MCTP2: variants seen among roughly 807,000 people sequenced by gnomAD.
MCTP2 encodes the protein multiple C2 and transmembrane domain containing 2, also known as multiple C2 and transmembrane domain-containing protein 2.
MCTP2 carries 132 observed loss-of-function variants against 111.6 expected under a neutral mutation model. The observed-to-expected ratio is 1.18, with a 90% CI of 1.03 to 1.37. The LOEUF is 1.37. MCTP2 is among the 40% of genes most tolerant of loss of function. The probability of loss-of-function intolerance (pLI) is 0.00; values close to 1 mark genes in which losing one functional copy is unlikely to be tolerated. For missense variants in MCTP2, 1,183 were observed against 1,067.9 expected, an observed-to-expected ratio of 1.11 and a Z score of -1.50; for synonymous variants, 395 against 387.7, an observed-to-expected ratio of 1.02 and a Z score of -0.22.
intron 8 of MCTP2, among the ~76,000 whole-genome samples, chr15:94,349,690 T>G (rs539803230): frequency 9.2e-5 from 14 of 151,746 alleles, no homozygotes; most frequent in South Asian, 4.2e-4. Flanking sequence ...CGTGGTGGCA[T>G]GCGCCTGTAG....
rs1180966060 is a variant in MCTP2, at chr15:94,358,584, A to T, written c.1273A>T (p.Asn425Tyr). 1 of 1,613,790 alleles carries T rather than the reference A, an allele frequency of 6.2e-7. No homozygotes were observed. Among genetic ancestry groups the T allele is most frequent in the Non-Finnish European group, 8.5e-7 (1 of 1,179,766 alleles). ...ILDIEVWGKD[N>Y]KKHEERLGTC... The stretch of plus-strand genomic sequence containing the variant: ...GGACATTGAAGTGTGGGGAAAGGAC[A>T]ACAAAAAGCATGAGGAACGTCTGGG... The change falls in exon 10 of 23, where the codon AAC becomes TAC. Residue 425 changes from asparagine (N) to tyrosine (Y), a missense_variant. By Grantham distance (143) the Asn-to-Tyr change is moderately radical (BLOSUM62 -2). Coordinates refer to ENST00000357742, the MANE Select transcript of MCTP2 (RefSeq NM_001385001.1).
chr15:94,308,920 A>G (rs1477097180), intron 2 of MCTP2, among the ~76,000 whole-genome samples: 2 of 152,240 alleles, frequency 1.3e-5, no homozygotes, highest in African/African-American at 4.8e-5. Context: ...CATATGCTTG[A>G]GCAAGGTATA....
chr15:94,254,932 A>C (rs1455763), intron 1 of MCTP2, among the ~76,000 whole-genome samples: 64,979 of 151,964 alleles, frequency 0.43, 14,261 homozygotes, highest in Middle Eastern at 0.57. Flanking sequence ...TGAAGTTTTC[A>C]GATGTGTTTC....
chr15:94,314,157 G>T, intron 2 of MCTP2, 125 bp from the exon 3 acceptor site: 1 of 631,406 alleles, frequency 1.6e-6, no homozygotes. Flanking sequence ...CAGGAAGGCG[G>T]CCCTCACTGA....
At chr15:94,339,015 C>A (rs1286787223) in intron 4 of MCTP2, among the ~76,000 whole-genome samples, 1 of 152,078 alleles carries the variant, frequency 6.6e-6, no homozygotes, top group Non-Finnish European at 1.5e-5. Flanking sequence ...GATTTTACTT[C>A]TTGAATTTTT....
chr15:94,298,167 TGTTTG>T, intron 1 of MCTP2, 29 bp from the exon 2 acceptor site: 1 of 901,630 alleles, frequency 1.1e-6, no homozygotes, highest in South Asian at 2.2e-5. Flanking sequence ...TTTTTTTGTT[TGTTTG>T]TTTTTTGTTG....
chr15:94,382,614 G>A (rs1418112005), intron 12 of MCTP2, among the ~76,000 whole-genome samples: 1 of 152,208 alleles, frequency 6.6e-6, no homozygotes, highest in African/African-American at 2.4e-5. Flanking sequence ...TATCTCTATT[G>A]ATGTGCTGTA....
At chr15:94,385,596 G>A in intron 14 of MCTP2, 71 bp downstream of exon 14, 3 of 1,083,776 alleles carry the variant, frequency 2.8e-6, no homozygotes, top group Non-Finnish European at 4.2e-6. Context: ...GTCTAGAGTT[G>A]CTTTATCTTT....
Position 94,231,582 on chromosome 15 carries a change from G to T in MCTP2, c.-148G>T, listed in dbSNP as rs568641706. On this transcript the variant is annotated 5_prime_UTR_variant, in exon 1 of 23. Transcript: ENST00000357742. The stretch of plus-strand genomic sequence containing the variant: ...CGTCAGGGTTGCTCCCTGCGCTTCC[G>T]AGTGGCGACTGCAGCGGGTCCGGTG... 9.8e-5 allele frequency: 15 copies of T among 152,484 alleles called. No individual in the cohort carries two copies. Among genetic ancestry groups the T allele is most frequent in the African/African-American group, 3.4e-4 (14 of 41,586 alleles). 9.4% of individuals were successfully genotyped at this position (152,484 alleles called of 1,614,324 possible).
chr15:94,259,010 A>G (rs986483134), intron 1 of MCTP2, among the ~76,000 whole-genome samples: 2 of 152,200 alleles, frequency 1.3e-5, no homozygotes, highest in African/African-American at 4.8e-5. Flanking sequence ...ATACACTAAA[A>G]TAGAGATTAA....
intron 1 of MCTP2, among the ~76,000 whole-genome samples, chr15:94,245,422 G>A (rs1264604886): frequency 1.0e-4 from 8 of 79,480 alleles, no homozygotes; most frequent in African/African-American, 1.8e-4. Flanking sequence ...ATATACATGT[G>A]TGTATATATT....
At chr15:94,396,565 A>G (rs1015836357) in intron 14 of MCTP2, among the ~76,000 whole-genome samples, 1 of 152,114 alleles carries the variant, frequency 6.6e-6, no homozygotes, top group African/African-American at 2.4e-5. Context: ...AAGTTCAATT[A>G]TATAATCAGG....
At chr15:94,414,150 G>A (rs931524551) in intron 17 of MCTP2, among the ~76,000 whole-genome samples, 3 of 152,180 alleles carry the variant, frequency 2.0e-5, no homozygotes, top group African/African-American at 7.2e-5. Flanking sequence ...TGATGGTCTT[G>A]AGCAAATTAT....
At chr15:94,231,885 A>G (rs1314381898) in intron 1 of MCTP2, 1 of 152,340 alleles carries the variant, frequency 6.6e-6, no homozygotes, top group Non-Finnish European at 1.5e-5. Flanking sequence ...GCGTACTGGA[A>G]GGCGCACTAG....
chr15:94,433,187 T>C (rs1332799242), intron 17 of MCTP2, among the ~76,000 whole-genome samples: 1 of 152,168 alleles, frequency 6.6e-6, no homozygotes, highest in Non-Finnish European at 1.5e-5. Context: ...ATCTTTAGGG[T>C]TTTCCTCAGG....
At chr15:94,403,101 G>A (rs2081686530) in intron 17 of MCTP2, 2 of 986,346 alleles carry the variant, frequency 2.0e-6, no homozygotes, top group African/African-American at 1.7e-5. Context: ...CTTTGCCATT[G>A]GGGGGTATTT....
intron 2 of MCTP2, among the ~76,000 whole-genome samples, chr15:94,300,381 G>A (rs890028095): frequency 6.6e-6 from 1 of 151,692 alleles, no homozygotes; most frequent in African/African-American, 2.4e-5. Flanking sequence ...GTGGTGGCGG[G>A]CACCTGTAGT....
intron 22 of MCTP2, among the ~76,000 whole-genome samples, chr15:94,477,667 TG>T (rs945333820): frequency 2.0e-5 from 3 of 152,158 alleles, no homozygotes; most frequent in African/African-American, 7.2e-5. Flanking sequence ...GTAGCATAAT[TG>T]GTTCCCTGGC....
rs115904410 is a variant in MCTP2 at position 94,401,873 on chromosome 15, T to A, written c.1966-27T>A. On this transcript the variant is annotated intron_variant, in intron 16 of 22. Transcript: ENST00000357742. ...AATATTTGTAGTATTTAAATCTAGTTTCCTGTTTGTCATTTTTTAAAATCA... is the reference window on the plus strand; with the variant it reads ...AATATTTGTAGTATTTAAATCTAGTATCCTGTTTGTCATTTTTTAAAATCA... The A allele has an allele frequency of 2.5e-6, 4 of 1,582,858 alleles. No individual in the cohort carries two copies. The African/African-American group carries it at 4.1e-5, about 16-fold the overall frequency.
Sources: allele counts gnomAD v4.1 joint callset (sites outside exome capture counted in the v4.1 genomes callset), GRCh38; gene constraint gnomAD v4.1.1; transcripts MANE v1.5; gene names NCBI Gene and HGNC (gene_info 2026-07-23, HGNC 2026-07-21).